The following SLC9B1 variants were observed in gnomAD, a reference collection of about 807,000 sequenced individuals.
The protein encoded by SLC9B1 is solute carrier family 9 member B1.
SLC9B1 carries 32 observed loss-of-function variants against 51.7 expected under a neutral mutation model. The ratio of observed to expected loss-of-function variants is 0.62; its 90% CI spans 0.47 to 0.83. SLC9B1 has a LOEUF of 0.83. Among genes scored for constraint, SLC9B1 ranks in the 40% least tolerant of loss-of-function variants. The pLI, the probability that SLC9B1 is intolerant of heterozygous loss-of-function variation, is 0.00. For synonymous variants in SLC9B1, 145 were observed against 212.7 expected (o/e 0.68, Z 2.77); for missense variants, 406 against 613.2 (o/e 0.66, Z 3.57).
In SLC9B1 at chr4:103,015,689, C is replaced by CCTCACTCT. The variant is rs1272441873; in HGVS notation, c.-2+3902_-2+3909dup. On this transcript the variant is annotated intron_variant, in intron 1 of 11. Transcript: ENST00000296422. Reference sequence around the variant, plus strand: ...TTAAACCTCCTACCCAAATATTCCTCCTCACTCTTTACTAATCTTGCGTCA... The same window carrying CCTCACTCT: ...TTAAACCTCCTACCCAAATATTCCTCCTCACTCTCTCACTCTTTACTAATCTTGCGTCA... 2.0e-5 allele frequency among the ~76,000 whole-genome samples: 3 copies of CCTCACTCT among 152,252 alleles called. No individual in the cohort carries two copies. In the East Asian group the frequency reaches 5.8e-4, roughly 29 times the overall value.
At chr4:102,893,288 A>AAAAAAAAAAAAAAAAAAAAAAAAG in intron 11 of SLC9B1, among the ~76,000 whole-genome samples, 2 of 147,956 alleles carry the variant, frequency 1.4e-5, no homozygotes, top group Non-Finnish European at 3.0e-5. Context: ...TCTCAAAAAA[A>AAAAAAAAAAAAAAAAAAAAAAAAG]AAAAAAAAAA....
At chr4:102,951,390 C>A (rs1431359749) in intron 3 of SLC9B1, among the ~76,000 whole-genome samples, 1 of 152,046 alleles carries the variant, frequency 6.6e-6, no homozygotes, top group Non-Finnish European at 1.5e-5. Context: ...CAAAAGTTAA[C>A]AGATACTACA....
chr4:103,005,586 C>T (rs1433317349), intron 1 of SLC9B1, among the ~76,000 whole-genome samples: 1 of 152,258 alleles, frequency 6.6e-6, no homozygotes, highest in East Asian at 1.9e-4. Context: ...GGGACCTGCA[C>T]TCAACACTTG....
downstream of SLC9B1, among the ~76,000 whole-genome samples, chr4:102,900,380 C>T (rs539965821): frequency 1.2e-4 from 19 of 152,288 alleles, no homozygotes; most frequent in South Asian, 3.9e-3. Context: ...ACAGCAGTCT[C>T]CAAATCTTTC....
chr4:103,019,061 C>T (rs1741587284), intron 1 of SLC9B1, among the ~76,000 whole-genome samples: 1 of 152,102 alleles, frequency 6.6e-6, no homozygotes, highest in Non-Finnish European at 1.5e-5. Context: ...TTCCATGAAA[C>T]TGATCCCTGG....
intron 7 of SLC9B1, among the ~76,000 whole-genome samples, chr4:102,929,066 A>G (rs1736324386): frequency 6.6e-6 from 1 of 152,206 alleles, no homozygotes; most frequent in Non-Finnish European, 1.5e-5. Flanking sequence ...CCAGTCCACT[A>G]AATAAATGTT....
intron 1 of SLC9B1, among the ~76,000 whole-genome samples, chr4:102,998,403 T>C (rs76883467): frequency 0.012 from 1,808 of 152,314 alleles, 48 homozygotes; most frequent in African/African-American, 0.039. Context: ...TATGCATTTA[T>C]ATGTATATAT....
chr4:102,949,491 T>A, intron 3 of SLC9B1, 64 bp from the exon 4 acceptor site: 2 of 1,320,918 alleles, frequency 1.5e-6, no homozygotes, highest in Non-Finnish European at 2.0e-6. Flanking sequence ...AAACAAAGGA[T>A]CAATTCTCTT....
intron 11 of SLC9B1, among the ~76,000 whole-genome samples, chr4:102,902,353 A>G (rs1734828096): frequency 6.6e-6 from 1 of 152,204 alleles, no homozygotes; most frequent in South Asian, 2.1e-4. Context: ...CAATTTCTAT[A>G]TCCTAAATCA....
intron 11 of SLC9B1, among the ~76,000 whole-genome samples, chr4:102,893,297 A>G (rs1227205149): frequency 1.3e-5 from 2 of 148,214 alleles, no homozygotes; most frequent in Non-Finnish European, 3.0e-5. Context: ...AAAAAAAAAA[A>G]AAAAAAAAGA....
At chr4:102,984,604 T>C (rs1486564160) in intron 3 of SLC9B1, among the ~76,000 whole-genome samples, 1 of 152,192 alleles carries the variant, frequency 6.6e-6, no homozygotes, top group Non-Finnish European at 1.5e-5. Context: ...GTTTTATGGC[T>C]CAGGATATAG....
chr4:102,963,076 A>C, intron 3 of SLC9B1: 1 of 422,740 alleles, frequency 2.4e-6, no homozygotes, highest in East Asian at 7.0e-5. Context: ...TTTGAACCTC[A>C]ACTACAGAGA....
intron 3 of SLC9B1, among the ~76,000 whole-genome samples, chr4:102,967,528 T>A (rs548559742): frequency 6.6e-6 from 1 of 152,130 alleles, no homozygotes; most frequent in African/African-American, 2.4e-5. Flanking sequence ...CACAATATGG[T>A]AGAACAAGGT....
rs980353448 is a variant in SLC9B1 at position 102,985,540 on chromosome 4, T to C, written c.211+4260A>G. Among the ~76,000 whole-genome samples, 5 of 28,472 alleles carry C rather than the reference T, an allele frequency of 1.8e-4. No individual in the cohort carries two copies. The African/African-American group carries it at 3.2e-3, about 18-fold the overall frequency. 18.7% of individuals were successfully genotyped at this position (28,472 alleles called of 152,430 possible). ...ACTAATACAAATCCATTTTCTTTTCTTTTTTTTTTTCTTCCTTCTTTTGCC... is the reference window on the plus strand; with the variant it reads ...ACTAATACAAATCCATTTTCTTTTCCTTTTTTTTTTCTTCCTTCTTTTGCC... On this transcript the variant is annotated intron_variant, in intron 3 of 11. Transcript: ENST00000296422.
intron 9 of SLC9B1, among the ~76,000 whole-genome samples, chr4:102,908,973 A>C (rs1242376045): frequency 6.6e-6 from 1 of 152,290 alleles, no homozygotes; most frequent in African/African-American, 2.4e-5. Context: ...ATAAAGAATA[A>C]CAACATCACA....
chr4:102,998,895 A>C (rs1740367362), intron 1 of SLC9B1, among the ~76,000 whole-genome samples: 1 of 152,068 alleles, frequency 6.6e-6, no homozygotes, highest in South Asian at 2.1e-4. Context: ...AGGTCTCATT[A>C]TGTCACCCAG....
intron 1 of SLC9B1, among the ~76,000 whole-genome samples, chr4:103,004,491 G>A (rs1740684147): frequency 6.6e-6 from 1 of 152,182 alleles, no homozygotes; most frequent in East Asian, 1.9e-4. Context: ...GAAAGAGTAA[G>A]TAATGTGGAA....
chr4:102,963,232 A>C, intron 3 of SLC9B1: 1 of 339,484 alleles, frequency 2.9e-6, no homozygotes, highest in South Asian at 2.5e-5. Context: ...GATAGCCTCA[A>C]CTCTGGAGTT....
intron 9 of SLC9B1, among the ~76,000 whole-genome samples, chr4:102,909,296 C>A (rs1473686049): frequency 1.1e-4 from 16 of 144,506 alleles, no homozygotes; most frequent in African/African-American, 7.6e-5. Context: ...GACTCTGTCT[C>A]AAAAAAAAAA....
Sources: gnomAD v4.1 joint callset for allele counts (sites outside exome capture counted in the v4.1 genomes callset) on GRCh38, gnomAD v4.1.1 for gene constraint, MANE v1.5 for transcripts, NCBI Gene and HGNC (gene_info 2026-07-23, HGNC 2026-07-21) for gene names.